The following BTBD9 variants were observed in gnomAD, a reference collection of about 807,000 sequenced individuals.
BTBD9 encodes BTB domain containing 9, also known as BTB/POZ domain-containing protein 9.
BTBD9 carries 49 observed loss-of-function variants against 64.3 expected under a neutral mutation model. That is an observed-to-expected ratio of 0.76 (90% CI 0.61 to 0.97). The LOEUF is 0.97. Ranked by LOEUF, BTBD9 falls within the 50% of genes least tolerant of loss-of-function variation. BTBD9 has a pLI of 0.00. For synonymous variants in BTBD9, 260 were observed against 274.7 expected, an observed-to-expected ratio of 0.95 and a Z score of 0.53; for missense variants, 598 against 762.1, an observed-to-expected ratio of 0.78 and a Z score of 2.53.
intron 2 of BTBD9, among the ~76,000 whole-genome samples, chr6:38,597,030 A>T (rs1777061189): frequency 6.6e-6 from 1 of 152,206 alleles, no homozygotes; most frequent in South Asian, 2.1e-4. Context: ...TCCCGGTTTC[A>T]TCTACAGTGG....
chr6:38,297,250 C>T (rs1328913260), intron 7 of BTBD9, among the ~76,000 whole-genome samples: 1 of 152,106 alleles, frequency 6.6e-6, no homozygotes, highest in African/African-American at 2.4e-5. Flanking sequence ...CCTGTAATCC[C>T]AGCTACCCAA....
At chr6:38,470,995 T>C (rs4714163) in intron 6 of BTBD9, among the ~76,000 whole-genome samples, 38,981 of 152,120 alleles carry the variant, frequency 0.26, 5,660 homozygotes, top group East Asian at 0.48. Context: ...TTAAAATTCT[T>C]TGGGAGTTGT....
At chr6:38,246,178 A>G (rs930946056) in intron 9 of BTBD9, among the ~76,000 whole-genome samples, 1 of 152,196 alleles carries the variant, frequency 6.6e-6, no homozygotes, top group Non-Finnish European at 1.5e-5. Flanking sequence ...TACTTTCCAC[A>G]TGCCTCCCAA....
intron 6 of BTBD9, among the ~76,000 whole-genome samples, chr6:38,543,376 T>C (rs1486153255): frequency 2.6e-5 from 4 of 152,216 alleles, no homozygotes; most frequent in Admixed American, 6.5e-5. Flanking sequence ...ATTGTATATA[T>C]CACCCCTCTA....
Position 38,171,427 on chromosome 6 carries a change from T to G in BTBD9, c.*3558A>C, listed in dbSNP as rs1766753308. Reference sequence around the variant, plus strand: ...GTATTTGTCAGGAATCGACACTTCATTTAATAGGATTTAAAAAGTGACAAT... The same window carrying G: ...GTATTTGTCAGGAATCGACACTTCAGTTAATAGGATTTAAAAAGTGACAAT... On this transcript the variant is annotated 3_prime_UTR_variant, in exon 11 of 11. Coordinates refer to ENST00000481247, the MANE Select transcript of BTBD9 (RefSeq NM_001099272.2). 1 of 152,178 alleles carries G rather than the reference T, an allele frequency of 6.6e-6. No individual in the cohort carries two copies. Among genetic ancestry groups the G allele is most frequent in the African/African-American group, 2.4e-5 (1 of 41,444 alleles). 9.4% of individuals were successfully genotyped at this position (152,178 alleles called of 1,614,324 possible). A position where few individuals can be genotyped will look rare whatever the true frequency, so the allele number is the denominator to read the frequency against.
At chr6:38,548,024 C>G (rs1451688700) in intron 6 of BTBD9, among the ~76,000 whole-genome samples, 1 of 152,188 alleles carries the variant, frequency 6.6e-6, no homozygotes, top group Admixed American at 6.5e-5. Context: ...CCCACCCACA[C>G]AGCAATACTT....
chr6:38,177,918 A>C (rs142794212), intron 10 of BTBD9, among the ~76,000 whole-genome samples: 32 of 152,284 alleles, frequency 2.1e-4, no homozygotes, highest in African/African-American at 6.3e-4. Context: ...ACTCCTAACT[A>C]TCTCTCTCCC....
intron 9 of BTBD9, among the ~76,000 whole-genome samples, chr6:38,211,866 C>A (rs143426774): frequency 6.4e-4 from 97 of 152,282 alleles, no homozygotes; most frequent in Admixed American, 2.0e-3. Flanking sequence ...CTGTTCTTGG[C>A]AATAAACACT....
Position 38,344,973 on chromosome 6 carries a change from G to A in BTBD9, c.1264+11C>T, listed in dbSNP as rs1764225046. ...CAAATATACATACAAAAATCTAATG[G>A]TAATACTTACCTATCAGCCCCTTCT... On this transcript the variant is annotated intron_variant, in intron 7 of 10. Coordinates refer to ENST00000481247, the MANE Select transcript of BTBD9 (RefSeq NM_001099272.2). The A allele has an allele frequency of 1.3e-6, 2 of 1,510,526 alleles. No homozygotes were observed. Among genetic ancestry groups the A allele is most frequent in the Non-Finnish European group, 1.8e-6 (2 of 1,093,774 alleles). The allele number at this position is 1,510,526 out of a possible 1,614,324, so 93.6% of individuals were successfully genotyped here.
chr6:38,185,536 A>T (rs867827910), intron 10 of BTBD9, among the ~76,000 whole-genome samples: 1 of 152,080 alleles, frequency 6.6e-6, no homozygotes, highest in Non-Finnish European at 1.5e-5. Context: ...GCCACTCAAG[A>T]CTGGGTTGAT....
At chr6:38,431,184 T>A (rs1488418786) in intron 6 of BTBD9, among the ~76,000 whole-genome samples, 4 of 151,918 alleles carry the variant, frequency 2.6e-5, no homozygotes, top group South Asian at 2.1e-4. Flanking sequence ...TCAAAGTTTA[T>A]CTCCAGTCCT....
intron 6 of BTBD9, among the ~76,000 whole-genome samples, chr6:38,429,648 A>G (rs191843249): frequency 1.1e-3 from 164 of 152,042 alleles, no homozygotes; most frequent in African/African-American, 3.9e-3. Flanking sequence ...ATTTTCCAAC[A>G]ATAAAACCCT....
chr6:38,242,556 G>C (rs544837789), intron 9 of BTBD9, among the ~76,000 whole-genome samples: 1 of 152,330 alleles, frequency 6.6e-6, no homozygotes, highest in Non-Finnish European at 1.5e-5. Context: ...CTAGGATCTT[G>C]TTTTGTATTT....
At chr6:38,555,791 G>A (rs1382254506) in intron 6 of BTBD9, among the ~76,000 whole-genome samples, 1 of 152,092 alleles carries the variant, frequency 6.6e-6, no homozygotes, top group Non-Finnish European at 1.5e-5. Flanking sequence ...CAATGGCTTC[G>A]TATGTCAGTC....
chr6:38,311,747 TTGTC>T, intron 7 of BTBD9, among the ~76,000 whole-genome samples: 1 of 152,386 alleles, frequency 6.6e-6, no homozygotes, highest in Non-Finnish European at 1.5e-5. Context: ...ACATTTGTTA[TTGTC>T]TGTCTTTTGG....
intron 6 of BTBD9, among the ~76,000 whole-genome samples, chr6:38,514,149 A>G (rs1006110580): frequency 6.6e-6 from 1 of 152,232 alleles, no homozygotes; most frequent in Non-Finnish European, 1.5e-5. Context: ...AATGGCTGGT[A>G]TAAGGATGTG....
chr6:38,374,306 T>TATATATATATATATAC (rs1491240635), intron 6 of BTBD9, among the ~76,000 whole-genome samples: 15 of 84,632 alleles, frequency 1.8e-4, no homozygotes, highest in South Asian at 4.5e-4. Flanking sequence ...TGTATATATA[T>TATATATATATATATAC]GTATATATAT....
In BTBD9 at chr6:38,182,065, C is replaced by CAA. The variant is rs752623864; in HGVS notation, c.1642-6885_1642-6884dup. 7.6e-4 allele frequency among the ~76,000 whole-genome samples: 115 copies of CAA among 152,118 alleles called. 1 individual carries two copies. The highest frequency in any genetic ancestry group is 3.2e-3 in the Admixed American group (49 of 15,282). On this transcript the variant is annotated intron_variant, in intron 10 of 10. Transcript: ENST00000481247. ...TAGGGAGACATTTCCAAATTGCGAGCAACAAATTTTCAGTATTGCTTAGGG... is the reference window on the plus strand; with the variant it reads ...TAGGGAGACATTTCCAAATTGCGAGCAAAACAAATTTTCAGTATTGCTTAGGG...
intron 1 of BTBD9, among the ~76,000 whole-genome samples, chr6:38,610,296 T>C (rs773984628): frequency 3.3e-5 from 5 of 152,190 alleles, no homozygotes; most frequent in African/African-American, 4.8e-5. Flanking sequence ...GAAACAAGAT[T>C]CATAAAATAC....
Sources: allele counts gnomAD v4.1 joint callset (sites outside exome capture counted in the v4.1 genomes callset), GRCh38; gene constraint gnomAD v4.1.1; transcripts MANE v1.5; gene names NCBI Gene and HGNC (gene_info 2026-07-23, HGNC 2026-07-21).